Variants in SLC24A2 observed in about 807,000 individuals in gnomAD.
The protein encoded by SLC24A2 is solute carrier family 24 member 2.
A neutral mutation model predicts 62.0 loss-of-function variants in SLC24A2; 36 were observed. The observed-to-expected ratio is 0.58, with a 90% CI of 0.44 to 0.77. The LOEUF is 0.77. Ranked by LOEUF, SLC24A2 falls within the 30% of genes least tolerant of loss-of-function variation. The pLI is 0.00. For synonymous variants in SLC24A2, 358 were observed against 294.0 expected, an observed-to-expected ratio of 1.22 and a Z score of -2.23; for missense variants, 846 against 817.9, an observed-to-expected ratio of 1.03 and a Z score of -0.42.
At chr9:20,057,032 T>C in the SLC24A2 span, among the ~76,000 whole-genome samples, 1 of 152,196 alleles carries the variant, frequency 6.6e-6, no homozygotes, top group African/African-American at 2.4e-5. Context: ...GAGTGGAAAG[T>C]ACAGACATAA....
intron 7 of SLC24A2, among the ~76,000 whole-genome samples, chr9:19,555,773 C>T (rs1193436397): frequency 6.6e-6 from 1 of 151,978 alleles, no homozygotes; most frequent in East Asian, 1.9e-4. Context: ...GGTGAAACCC[C>T]ATCTCTACTA....
the SLC24A2 span, among the ~76,000 whole-genome samples, chr9:20,278,550 C>T: frequency 6.6e-6 from 1 of 152,176 alleles, no homozygotes; most frequent in African/African-American, 2.4e-5. Context: ...ACTTTTGCTC[C>T]AGTTCCCAAC....
chr9:19,950,208 T>A, the SLC24A2 span, among the ~76,000 whole-genome samples: 35,251 of 152,176 alleles, frequency 0.23, 4,997 homozygotes, highest in South Asian at 0.38. Context: ...ATTAATAATA[T>A]CTTCCTTATA....
the SLC24A2 span, among the ~76,000 whole-genome samples, chr9:20,198,697 C>T: frequency 1.3e-5 from 2 of 151,980 alleles, no homozygotes; most frequent in Non-Finnish European, 2.9e-5. Context: ...ACCCCCACCC[C>T]CTTCTCTCTC....
At chr9:20,061,783 G>C in the SLC24A2 span, among the ~76,000 whole-genome samples, 1 of 151,936 alleles carries the variant, frequency 6.6e-6, no homozygotes, top group Admixed American at 6.6e-5. Context: ...TAGTCAAGGA[G>C]TTCTTAGGTT....
the SLC24A2 span, among the ~76,000 whole-genome samples, chr9:20,074,787 A>T: frequency 3.3e-5 from 5 of 152,274 alleles, no homozygotes; most frequent in East Asian, 7.7e-4. Flanking sequence ...TAAGATTAGA[A>T]TATTAGAATA....
At chr9:19,536,305 C>T (rs927918475) in intron 8 of SLC24A2, among the ~76,000 whole-genome samples, 8 of 149,774 alleles carry the variant, frequency 5.3e-5, no homozygotes, top group Non-Finnish European at 7.4e-5. Context: ...CACCCACTAA[C>T]GTGTCATCTG....
At chr9:19,636,708 A>G (rs1240257799) in intron 2 of SLC24A2, among the ~76,000 whole-genome samples, 2 of 152,074 alleles carry the variant, frequency 1.3e-5, no homozygotes, top group African/African-American at 2.4e-5. Flanking sequence ...TGCTGAGATT[A>G]CAGGTGTGAG....
the SLC24A2 span, chr9:19,927,393 T>G: frequency 6.6e-6 from 1 of 152,174 alleles, no homozygotes; most frequent in Non-Finnish European, 1.5e-5. Context: ...AGATAATAAA[T>G]GGCACCTACT....
At chr9:19,568,778 G>A (rs1430457544) in intron 7 of SLC24A2, among the ~76,000 whole-genome samples, 1 of 152,078 alleles carries the variant, frequency 6.6e-6, no homozygotes, top group Non-Finnish European at 1.5e-5. Context: ...TTTGGAAAAG[G>A]TAATGCAATT....
the SLC24A2 span, among the ~76,000 whole-genome samples, chr9:20,040,888 C>T: frequency 6.6e-6 from 1 of 152,176 alleles, no homozygotes; most frequent in Non-Finnish European, 1.5e-5. Context: ...CTGTGGCAGA[C>T]AAGGGTTAGA....
At chr9:19,880,336 T>A in the SLC24A2 span, among the ~76,000 whole-genome samples, 1 of 152,198 alleles carries the variant, frequency 6.6e-6, no homozygotes, top group African/African-American at 2.4e-5. Context: ...AAAGTTATCA[T>A]CTGATTGGGC....
chr9:19,575,965 G>GA (rs1489454108), intron 6 of SLC24A2, among the ~76,000 whole-genome samples: 1 of 150,006 alleles, frequency 6.7e-6, no homozygotes, highest in Non-Finnish European at 1.5e-5. Context: ...TAAAGAAGCA[G>GA]AAAAATATAT....
the SLC24A2 span, among the ~76,000 whole-genome samples, chr9:19,907,419 G>A: frequency 1.3e-5 from 2 of 152,178 alleles, no homozygotes; most frequent in African/African-American, 2.4e-5. Context: ...ACTGGCACAA[G>A]ACAGGGATGC....
chr9:19,696,822 A>G (rs922685803), intron 2 of SLC24A2, among the ~76,000 whole-genome samples: 1 of 152,170 alleles, frequency 6.6e-6, no homozygotes, highest in Non-Finnish European at 1.5e-5. Context: ...CTTTCTTTAA[A>G]ACATTTGTAA....
At chr9:20,106,567 C>G in the SLC24A2 span, among the ~76,000 whole-genome samples, 1 of 152,112 alleles carries the variant, frequency 6.6e-6, no homozygotes, top group African/African-American at 2.4e-5. Flanking sequence ...TAAATGTAAT[C>G]CAGCATGTAA....
chr9:19,673,742 G>A (rs562716621), intron 2 of SLC24A2, among the ~76,000 whole-genome samples: 5 of 152,202 alleles, frequency 3.3e-5, no homozygotes, highest in African/African-American at 7.2e-5. Context: ...GAGCCACTGC[G>A]CCCAGACGTG....
At chr9:19,527,999 T>C in intron 9 of SLC24A2, 50 bp downstream of exon 9, 1 of 1,127,684 alleles carries the variant, frequency 8.9e-7, no homozygotes, top group Non-Finnish European at 1.3e-6. Flanking sequence ...CACTTGACAA[T>C]CAGGACTGGA....
chr9:19,656,063 C>A (rs1015911646), intron 2 of SLC24A2, among the ~76,000 whole-genome samples: 1 of 152,128 alleles, frequency 6.6e-6, no homozygotes, highest in African/African-American at 2.4e-5. Flanking sequence ...GACAAGTGGG[C>A]CCTTTCAGAA....
Sources: allele counts gnomAD v4.1 joint callset (sites outside exome capture counted in the v4.1 genomes callset), GRCh38; gene constraint gnomAD v4.1.1; transcripts MANE v1.5; gene names NCBI Gene and HGNC (gene_info 2026-07-23, HGNC 2026-07-21).